Variants in TTN observed in about 807,000 individuals in gnomAD.
TTN encodes connectin.
In TTN, 1,525 loss-of-function variants were observed where a neutral mutation model predicts 3,223.0. The ratio of observed to expected loss-of-function variants is 0.47; its 90% CI spans 0.45 to 0.49. The LOEUF is 0.49. TTN is among the 20% of genes least tolerant of loss of function. The probability of loss-of-function intolerance (pLI) is 0.00; values close to 1 mark genes in which losing one functional copy is unlikely to be tolerated. For synonymous variants in TTN, 14,094 were observed against 15,161.0 expected, an observed-to-expected ratio of 0.93 and a Z score of 5.17; for missense variants, 40,786 against 43,424.0, an observed-to-expected ratio of 0.94 and a Z score of 5.40.
At chr2:178,730,045 C>CCAA in intron 62 of TTN, 48 bp downstream of exon 62, 1 of 1,538,828 alleles carries the variant, frequency 6.5e-7, no homozygotes, top group Non-Finnish European at 8.9e-7. Flanking sequence ...CCACCCCAGG[C>CCAA]AAGAAAATCT....
At position 178,590,551 on chromosome 2, in the gene TTN, A is replaced by C. The variant is rs778062181; in HGVS notation, c.61174T>G (p.Trp20392Gly). ...CCACCATCACTGAGAGGCTTTGTCC[A>C]CACCAAATCAGCTGTTTCTCTGCTC... is the stretch of plus-strand genomic sequence containing the variant. ...DKSRETADLV[W>G]TKPLSDGGSP... The change falls in exon 304 of 363, where the codon TGG becomes GGG. Residue 20392 changes from tryptophan (W) to glycine (G), a missense_variant. Physicochemically the swap from Trp to Gly is radical, Grantham distance 184. Coordinates refer to ENST00000589042, the MANE Select transcript of TTN (RefSeq NM_001267550.2). 3.0e-5 allele frequency: 48 copies of C among 1,612,520 alleles called. No homozygotes were observed. The South Asian group carries it at 5.3e-4, about 18-fold the overall frequency.
chr2:178,565,828 T>C lies in TTN; in HGVS notation c.80304A>G (p.Pro26768=), dbSNP rs1575676334. ...CTTTCACGGCATCAACAGTTTCCAC[T>C]GGAACACCAACTCCAAATTCATTTT... The part of the protein sequence containing the change: ...MAENEFGVGV[P]VETVDAVKAA... The change falls in exon 326 of 363, where the codon CCA becomes CCG. Residue 26768 remains proline, a synonymous_variant. Transcript: ENST00000589042. 6.2e-7 allele frequency: 1 copy of C among 1,613,634 alleles called. No homozygotes were observed. The highest frequency in any genetic ancestry group is 8.5e-7 in the Non-Finnish European group (1 of 1,179,640).
intron 142 of TTN, 37 bp downstream of exon 142, chr2:178,679,302 T>A: frequency 6.2e-7 from 1 of 1,602,696 alleles, no homozygotes; most frequent in Non-Finnish European, 8.5e-7. Context: ...ATGGGTGAAT[T>A]ATCATGCTAT....
Position 178,651,868 on chromosome 2 carries a change from C to G in TTN, c.39379+16G>C, listed in dbSNP as rs757389524. 1.9e-6 allele frequency: 3 copies of G among 1,602,566 alleles called. No homozygotes were observed. The highest frequency in any genetic ancestry group is 2.3e-5 in the East Asian group (1 of 44,356). ...AAGAGTGGCCGAGGTGTCCTAGCAG[C>G]TTTCTTGCCATGTACCTTGTGGAGG... On this transcript the variant is annotated intron_variant, in intron 205 of 362. Transcript: ENST00000589042.
chr2:178,749,077 A>G (rs757420246), intron 47 of TTN: 2 of 1,612,906 alleles, frequency 1.2e-6, no homozygotes, highest in Non-Finnish European at 1.7e-6. Flanking sequence ...GGGATTCTTC[A>G]TATACAATGG....
intron 27 of TTN, 38 bp downstream of exon 27, chr2:178,777,111 T>G (rs776350894): frequency 1.2e-5 from 20 of 1,613,892 alleles, no homozygotes; most frequent in Non-Finnish European, 1.6e-5. Flanking sequence ...GTTATTGGAT[T>G]TGTATAATGA....
chr2:178,692,707 A>T, intron 119 of TTN, 127 bp from the exon 120 acceptor site: 1 of 652,814 alleles, frequency 1.5e-6, no homozygotes, highest in Non-Finnish European at 2.5e-6. Flanking sequence ...ATGCTTTAGA[A>T]ATGAGAGTAA....
In TTN at chr2:178,527,957, T is replaced by G. The variant is rs920597641; in HGVS notation, c.107378-209A>C. The G allele has an allele frequency of 2.9e-5, 16 of 551,604 alleles. No homozygotes were observed. In the Middle Eastern group the frequency reaches 1.4e-3, roughly 49 times the overall value. The allele number at this position is 551,604 out of a possible 1,614,324, so 34.2% of individuals were successfully genotyped here. A position where few individuals can be genotyped will look rare whatever the true frequency, so the allele number is the denominator to read the frequency against. On this transcript the variant is annotated intron_variant, in intron 361 of 362. Transcript: ENST00000589042. ...CAAAACATGAATCCTTATATTTCTA[T>G]CATTACATTACATGCAGGTGCTAGG... is the stretch of plus-strand genomic sequence containing the variant.
rs946583596 is a variant in TTN at position 178,777,026 on chromosome 2, G to C, written c.4838C>G (p.Ala1613Gly). 2.5e-6 allele frequency: 4 copies of C among 1,614,020 alleles called. No individual in the cohort carries two copies. The highest frequency in any genetic ancestry group is 3.4e-6 in the Non-Finnish European group (4 of 1,179,976). The change falls in exon 28 of 363, where the codon GCT becomes GGT. Residue 1613 changes from alanine (A) to glycine (G), a missense_variant. By Grantham distance (60) the Ala-to-Gly change is moderately conservative (BLOSUM62 0). Coordinates refer to ENST00000589042, the MANE Select transcript of TTN (RefSeq NM_001267550.2). ...KIRIEGTKGEAALKIDSTVSQ... is the reference protein window; with the variant it reads ...KIRIEGTKGEGALKIDSTVSQ... ...GACAGTGGAATCGATTTTAAGGGCAGCTTCTCCCTTGGTTCCTTCAATTCT... is the reference window on the plus strand; with the variant it reads ...GACAGTGGAATCGATTTTAAGGGCACCTTCTCCCTTGGTTCCTTCAATTCT...
rs930751961 is a variant in TTN, at chr2:178,526,729, G to A, written c.*283C>T. ...AGAAACTTTCTCCTACCAACAGTTAGTTTCAAAACTTACATTGTAAAATGT... is the reference window on the plus strand; with the variant it reads ...AGAAACTTTCTCCTACCAACAGTTAATTTCAAAACTTACATTGTAAAATGT... On this transcript the variant is annotated 3_prime_UTR_variant, in exon 363 of 363. Coordinates refer to ENST00000589042, the MANE Select transcript of TTN (RefSeq NM_001267550.2). 3.9e-6 allele frequency: 1 copy of A among 254,018 alleles called. No individual in the cohort carries two copies. The highest frequency in any genetic ancestry group is 2.2e-5 in the African/African-American group (1 of 45,148). The allele number at this position is 254,018 out of a possible 1,614,324, so 15.7% of individuals were successfully genotyped here.
At position 178,680,045 on chromosome 2, in the gene TTN, C is replaced by A; in HGVS notation, c.33429G>T (p.Val11143=). ...CCTCTTCTGGTTCAAGTTCTTTAGG[C>A]ACTTCTGGCACTTTAAAGATATTAT... ...EVAPPVRVPE[V]PKELEPEEVA... is the part of the protein sequence containing the mutation. Residue 11143 remains valine (V), a synonymous_variant, in exon 140 of 363, where the codon GTG becomes GTT. Coordinates refer to ENST00000589042, the MANE Select transcript of TTN (RefSeq NM_001267550.2). 1.2e-6 allele frequency: 2 copies of A among 1,612,330 alleles called. No homozygotes were observed. Among genetic ancestry groups the A allele is most frequent in the African/African-American group, 2.7e-5 (2 of 74,838 alleles).
chr2:178,626,286 A>C (rs1414464823), intron 240 of TTN, among the ~76,000 whole-genome samples: 1 of 152,030 alleles, frequency 6.6e-6, no homozygotes, highest in African/African-American at 2.4e-5. Context: ...AAAACTGCAA[A>C]TGAAAGTTGG....
intron 332 of TTN, 106 bp downstream of exon 332, chr2:178,554,347 A>C: frequency 7.0e-7 from 1 of 1,429,240 alleles, no homozygotes; most frequent in Non-Finnish European, 9.5e-7. Context: ...AAAGGATGGT[A>C]ATGAGACAGG....
At position 178,705,373 on chromosome 2, in the gene TTN, AAAGT is replaced by A. The variant is rs781161130; in HGVS notation, c.29421-20_29421-17del. ...GATTGGAGTCCTAAATAAAATTTAA[AAAGT>A]AAGGATAAAACACCTGTCTTCTACT... On this transcript the variant is annotated splice_polypyrimidine_tract_variant and intron_variant, in intron 102 of 362. Coordinates refer to ENST00000589042, the MANE Select transcript of TTN (RefSeq NM_001267550.2). 7.3e-6 allele frequency: 11 copies of A among 1,510,888 alleles called. No individual in the cohort carries two copies. The highest frequency in any genetic ancestry group is 9.7e-6 in the Non-Finnish European group (11 of 1,132,000). The allele number at this position is 1,510,888 out of a possible 1,614,324, so 93.6% of individuals were successfully genotyped here. A position where few individuals can be genotyped will look rare whatever the true frequency, so the allele number is the denominator to read the frequency against.
Position 178,740,529 on chromosome 2 carries a change from G to A in TTN, c.12704C>T (p.Ser4235Leu), listed in dbSNP as rs1253161767. 4.3e-6 allele frequency: 7 copies of A among 1,613,674 alleles called. No homozygotes were observed. The highest frequency in any genetic ancestry group is 5.9e-6 in the Non-Finnish European group (7 of 1,179,826). The stretch of plus-strand genomic sequence containing the variant: ...GTCAGATACTGTCTTTTCTTTTGGT[G>A]AAAGTACTTCCTCAGCCACAGAGGT... ...YLTSVAEEVLSPKEKTVSDTN... is the reference protein window; with the variant it reads ...YLTSVAEEVLLPKEKTVSDTN... Residue 4235 changes from serine (S) to leucine (L), a missense_variant, in exon 48 of 363, where the codon TCA becomes TTA. Transcript: ENST00000589042.
chr2:178,553,444 G>A (rs770645536), intron 334 of TTN, 48 bp from the exon 335 acceptor site: 1 of 1,571,540 alleles, frequency 6.4e-7, no homozygotes, highest in Admixed American at 1.8e-5. Flanking sequence ...AAGCAAAAAA[G>A]AGTGATTTCC....
intron 3 of TTN, among the ~76,000 whole-genome samples, chr2:178,801,140 T>C (rs1230540654): frequency 6.6e-6 from 1 of 152,234 alleles, no homozygotes; most frequent in Non-Finnish European, 1.5e-5. Context: ...ATTTTTAATT[T>C]AATTTTTAAA....
intron 278 of TTN, among the ~76,000 whole-genome samples, chr2:178,606,689 A>G (rs2054930668): frequency 6.6e-6 from 1 of 151,946 alleles, no homozygotes; most frequent in South Asian, 2.1e-4. Context: ...CTACTACGCT[A>G]GTAAGTTTTA....
intron 38 of TTN, 124 bp from the exon 39 acceptor site, chr2:178,768,279 G>A: frequency 4.1e-6 from 5 of 1,217,978 alleles, no homozygotes; most frequent in Non-Finnish European, 4.7e-6. Flanking sequence ...TCATCATTGT[G>A]TAGCCATCAC....
Sources: allele counts gnomAD v4.1 joint callset (sites outside exome capture counted in the v4.1 genomes callset), GRCh38; gene constraint gnomAD v4.1.1; transcripts MANE v1.5; gene names NCBI Gene and HGNC (gene_info 2026-07-23, HGNC 2026-07-21).